Variants in INPP4B observed in about 807,000 individuals in gnomAD.
INPP4B encodes the protein inositol polyphosphate-4-phosphatase type II B.
INPP4B carries 55 observed loss-of-function variants against 122.5 expected under a neutral mutation model. The observed-to-expected ratio is 0.45, with a 90% CI of 0.36 to 0.56. INPP4B has a LOEUF of 0.56. INPP4B is among the 20% of genes least tolerant of loss of function. The pLI, the probability that INPP4B is intolerant of heterozygous loss-of-function variation, is 0.00. For missense variants in INPP4B, 1,000 were observed against 1,097.7 expected (o/e 0.91, Z 1.26); for synonymous variants, 403 against 388.7 (o/e 1.04, Z -0.43).
intron 1 of INPP4B, among the ~76,000 whole-genome samples, chr4:142,760,716 G>T (rs1771207474): frequency 6.6e-6 from 1 of 151,984 alleles, no homozygotes; most frequent in Non-Finnish European, 1.5e-5. Context: ...CTGAAAATTG[G>T]ACTTTTTATG....
intron 2 of INPP4B, among the ~76,000 whole-genome samples, chr4:142,474,710 C>G (rs1819518956): frequency 6.6e-6 from 1 of 152,152 alleles, no homozygotes; most frequent in Non-Finnish European, 1.5e-5. Context: ...GCCCGGCAGT[C>G]CCACTTCTAT....
intron 2 of INPP4B, among the ~76,000 whole-genome samples, chr4:142,558,886 C>T (rs1461103304): frequency 1.4e-5 from 2 of 146,338 alleles, no homozygotes; most frequent in South Asian, 4.5e-4. Context: ...CAGGTGAAGA[C>T]TGAACAATCA....
intron 12 of INPP4B, among the ~76,000 whole-genome samples, chr4:142,218,733 G>A (rs1848287223): frequency 6.6e-6 from 1 of 152,138 alleles, no homozygotes; most frequent in African/African-American, 2.4e-5. Flanking sequence ...TGGTATGCAT[G>A]GGTAGAAAGT....
Position 142,731,344 on chromosome 4 carries a change from T to C in INPP4B, c.-253-5443A>G, listed in dbSNP as rs138958236. 7.8e-3 allele frequency among the ~76,000 whole-genome samples: 1,187 copies of C among 152,302 alleles called. 11 individuals are homozygous for C. Among genetic ancestry groups the C allele is most frequent in the African/African-American group, 0.027 (1,110 of 41,552 alleles). On this transcript the variant is annotated intron_variant, in intron 1 of 25. Coordinates refer to ENST00000262992, the MANE Select transcript of INPP4B (RefSeq NM_001101669.3). ...CAATCCTTTTGCATTTCTCTGTGTCTGACCTCACCTTTCTGCCAGGCATAG... is the reference window on the plus strand; with the variant it reads ...CAATCCTTTTGCATTTCTCTGTGTCCGACCTCACCTTTCTGCCAGGCATAG...
At chr4:142,407,921 TAATA>T (rs1371932879) in intron 5 of INPP4B, among the ~76,000 whole-genome samples, 1 of 152,222 alleles carries the variant, frequency 6.6e-6, no homozygotes, top group Admixed American at 6.5e-5. Context: ...AATATCATAC[TAATA>T]TATATTAATA....
chr4:142,352,660 T>G (rs978010798), intron 7 of INPP4B, among the ~76,000 whole-genome samples: 1 of 151,784 alleles, frequency 6.6e-6, no homozygotes, highest in Non-Finnish European at 1.5e-5. Context: ...AAGTAAGAAA[T>G]GAGAAAAACA....
intron 2 of INPP4B, among the ~76,000 whole-genome samples, chr4:142,714,536 C>T (rs1763525370): frequency 6.6e-6 from 1 of 152,168 alleles, no homozygotes; most frequent in Non-Finnish European, 1.5e-5. Context: ...TGGCTGACTA[C>T]AAATGAGATA....
chr4:142,172,655 A>G (rs1337253780), intron 16 of INPP4B, among the ~76,000 whole-genome samples: 1 of 152,024 alleles, frequency 6.6e-6, no homozygotes, highest in East Asian at 1.9e-4. Context: ...ATAAAAATGT[A>G]TAAACTGCAA....
chr4:142,179,472 CAAA>C (rs71586262), intron 15 of INPP4B, among the ~76,000 whole-genome samples: 1 of 73,110 alleles, frequency 1.4e-5, no homozygotes, highest in Non-Finnish European at 2.4e-5. Context: ...AACTCCATCT[CAAA>C]AAAAAAAAAA....
At chr4:142,378,248 CT>C (rs1792747529) in intron 7 of INPP4B, among the ~76,000 whole-genome samples, 1 of 152,066 alleles carries the variant, frequency 6.6e-6, no homozygotes. Context: ...ATTTTATGTT[CT>C]TTCAGTGTGC....
intron 25 of INPP4B, among the ~76,000 whole-genome samples, chr4:142,077,691 TA>T (rs1182902910): frequency 6.4e-4 from 93 of 145,446 alleles, no homozygotes; most frequent in African/African-American, 1.4e-3. Flanking sequence ...CTCCCTTTCT[TA>T]AAAAAAAAAA....
At chr4:142,757,283 C>T (rs2150964034) in intron 1 of INPP4B, among the ~76,000 whole-genome samples, 1 of 152,162 alleles carries the variant, frequency 6.6e-6, no homozygotes, top group East Asian at 1.9e-4. Context: ...TCTACAATGA[C>T]ACATCATTAT....
intron 7 of INPP4B, among the ~76,000 whole-genome samples, chr4:142,339,250 T>C (rs1161792436): frequency 6.6e-6 from 1 of 152,202 alleles, no homozygotes. Flanking sequence ...ATTATCCTAA[T>C]TTGCAAGTGC....
chr4:142,601,265 G>A (rs956976787), intron 2 of INPP4B, among the ~76,000 whole-genome samples: 1 of 152,026 alleles, frequency 6.6e-6, no homozygotes, highest in Admixed American at 6.6e-5. Flanking sequence ...ATTCTTATAA[G>A]CACATGGAAC....
chr4:142,427,850 A>G (rs1808444052), intron 5 of INPP4B, among the ~76,000 whole-genome samples: 1 of 152,008 alleles, frequency 6.6e-6, no homozygotes. Context: ...ACGAGTGAAG[A>G]GTGCCTAGCC....
intron 10 of INPP4B, among the ~76,000 whole-genome samples, chr4:142,265,155 A>G (rs1561679052): frequency 6.6e-6 from 1 of 152,330 alleles, no homozygotes; most frequent in Admixed American, 6.5e-5. Flanking sequence ...GAACCGTGAG[A>G]AAATAAATTC....
chr4:142,548,583 G>T (rs970169751), intron 2 of INPP4B, among the ~76,000 whole-genome samples: 1 of 151,686 alleles, frequency 6.6e-6, no homozygotes, highest in African/African-American at 2.4e-5. Flanking sequence ...TTCTGGTACT[G>T]GTAAACACCT....
rs562688479 is a variant in INPP4B, at chr4:142,490,239, T to C, written c.-190-27513A>G. ...AGCTTGGACCACAAATGCGTGCCAC[T>C]ACCCTAAGCTAATTTTTATATATAT... On this transcript the variant is annotated intron_variant, in intron 2 of 25. Coordinates refer to ENST00000262992, the MANE Select transcript of INPP4B (RefSeq NM_001101669.3). 3.5e-4 allele frequency among the ~76,000 whole-genome samples: 53 copies of C among 151,900 alleles called. 1 individual carries two copies. Among genetic ancestry groups the C allele is most frequent in the Admixed American group, 3.3e-3 (50 of 15,222 alleles).
chr4:142,629,660 C>T (rs947924221), intron 2 of INPP4B, among the ~76,000 whole-genome samples: 1 of 152,122 alleles, frequency 6.6e-6, no homozygotes, highest in Admixed American at 6.6e-5. Flanking sequence ...AAACATGACA[C>T]ACTTGGAGGG....
Sources: allele counts gnomAD v4.1 joint callset (sites outside exome capture counted in the v4.1 genomes callset), GRCh38; gene constraint gnomAD v4.1.1; transcripts MANE v1.5; gene names NCBI Gene and HGNC (gene_info 2026-07-23, HGNC 2026-07-21).